The following RBFOX1 variants were observed in gnomAD, a reference collection of about 807,000 sequenced individuals.
RBFOX1 encodes the protein RNA binding fox-1 homolog 1.
Under a neutral mutation model 57.7 loss-of-function variants are expected in RBFOX1, and 8 were observed. That is an observed-to-expected ratio of 0.14 (90% CI 0.08 to 0.25). The LOEUF (loss-of-function observed/expected upper bound fraction) is 0.25, where lower values mean the gene tolerates loss of function less well. Ranked by LOEUF, RBFOX1 falls within the 10% of genes least tolerant of loss-of-function variation. The probability of loss-of-function intolerance (pLI) is 1.00; values close to 1 mark genes in which losing one functional copy is unlikely to be tolerated. For synonymous variants in RBFOX1, 326 were observed against 222.4 expected (o/e 1.47, Z -4.15); for missense variants, 611 against 548.5 (o/e 1.11, Z -1.14).
intron 3 of RBFOX1, among the ~76,000 whole-genome samples, chr16:6,716,796 A>G (rs1448762564): frequency 6.6e-6 from 1 of 152,134 alleles, no homozygotes; most frequent in Non-Finnish European, 1.5e-5. Flanking sequence ...TGAAAGTAAC[A>G]GGATATAAGT....
chr16:5,944,585 AATG>A (rs1416254251), intron 4 of RBFOX1, among the ~76,000 whole-genome samples: 1 of 151,668 alleles, frequency 6.6e-6, no homozygotes, highest in African/African-American at 2.4e-5. Context: ...AGTTTCGACA[AATG>A]TGAAGTCAGA....
intron 2 of RBFOX1, chr16:6,574,040 C>T (rs561957611): frequency 5.2e-5 from 8 of 152,458 alleles, no homozygotes; most frequent in African/African-American, 1.9e-4. Flanking sequence ...CAATTTTTCT[C>T]TCGCTCTGCC....
At chr16:5,840,127 C>G (rs541057740) in intron 3 of RBFOX1, among the ~76,000 whole-genome samples, 23 of 152,294 alleles carry the variant, frequency 1.5e-4, no homozygotes, top group Non-Finnish European at 2.8e-4. Flanking sequence ...CATCCAAAGT[C>G]AGCAGAGAGT....
chr16:7,479,337 C>T (rs1315133337), intron 4 of RBFOX1, among the ~76,000 whole-genome samples: 1 of 151,928 alleles, frequency 6.6e-6, no homozygotes, highest in South Asian at 2.1e-4. Flanking sequence ...CACTTTGTTG[C>T]CCAGGCTAGT....
intron 4 of RBFOX1, among the ~76,000 whole-genome samples, chr16:7,239,084 A>G (rs181350901): frequency 7.2e-5 from 11 of 152,290 alleles, no homozygotes; most frequent in African/African-American, 2.6e-4. Flanking sequence ...GCTATTGTGA[A>G]TAGTGCTGCA....
chr16:5,405,220 A>G (rs891482270), intron 1 of RBFOX1, among the ~76,000 whole-genome samples: 1 of 152,154 alleles, frequency 6.6e-6, no homozygotes, highest in African/African-American at 2.4e-5. Context: ...CCTTGGTGAC[A>G]TGGTTTGGCT....
At chr16:5,413,985 G>A (rs1342705277) in intron 1 of RBFOX1, among the ~76,000 whole-genome samples, 3 of 152,210 alleles carry the variant, frequency 2.0e-5, no homozygotes, top group Non-Finnish European at 4.4e-5. Flanking sequence ...TTACAGATGA[G>A]GACATTGAGG....
intron 3 of RBFOX1, among the ~76,000 whole-genome samples, chr16:5,721,048 A>C (rs571777129): frequency 6.6e-6 from 1 of 152,338 alleles, no homozygotes; most frequent in East Asian, 1.9e-4. Flanking sequence ...ATTGTCTTCT[A>C]ATCCATGAAT....
At chr16:6,085,174 G>T (rs545812979) in intron 1 of RBFOX1, among the ~76,000 whole-genome samples, 18 of 152,238 alleles carry the variant, frequency 1.2e-4, no homozygotes, top group Admixed American at 2.6e-4. Flanking sequence ...TGCAGATCCA[G>T]ACCTCTCCTC....
chr16:6,242,639 C>T (rs1219624515), intron 1 of RBFOX1, among the ~76,000 whole-genome samples: 4 of 113,674 alleles, frequency 3.5e-5, no homozygotes, highest in Non-Finnish European at 7.0e-5. Flanking sequence ...AACACACACA[C>T]ACACACACAC....
At chr16:7,254,584 C>T (rs1047511998) in intron 4 of RBFOX1, among the ~76,000 whole-genome samples, 17 of 152,010 alleles carry the variant, frequency 1.1e-4, no homozygotes, top group African/African-American at 3.6e-4. Context: ...TCCAAAGGAC[C>T]TCCCAGGTAT....
chr16:6,256,247 G>GTGTATATATATGTA lies in RBFOX1; in HGVS notation c.-126-60747_-126-60746insGTATATATATGTAT, dbSNP rs1555582517. Reference sequence around the variant, plus strand: ...TATATATATATGTGTATATATATATGTATATATATGTGTATATATATATGT... The same window carrying GTGTATATATATGTA: ...TATATATATATGTGTATATATATATGTGTATATATATGTATATATATATGTGTATATATATATGT... On this transcript the variant is annotated intron_variant, in intron 1 of 15. Transcript: ENST00000550418. 3.4e-4 allele frequency among the ~76,000 whole-genome samples: 27 copies of GTGTATATATATGTA among 78,348 alleles called. 2 individuals are homozygous for GTGTATATATATGTA. The East Asian group carries it at 3.7e-3, about 11-fold the overall frequency. 51.4% of individuals were successfully genotyped at this position (78,348 alleles called of 152,430 possible).
In RBFOX1 at chr16:6,527,297, A is replaced by T. The variant is rs188432511; in HGVS notation, c.-63-127306A>T. 1.9e-3 allele frequency among the ~76,000 whole-genome samples: 282 copies of T among 152,144 alleles called. 2 individuals carry two copies. Among genetic ancestry groups the T allele is most frequent in the African/African-American group, 6.4e-3 (266 of 41,506 alleles). ...TTGTCTGTATATTTTCAGAAATGTGATATCTTAGGTATATACTAAGAGGGG... is the reference window on the plus strand; with the variant it reads ...TTGTCTGTATATTTTCAGAAATGTGTTATCTTAGGTATATACTAAGAGGGG... On this transcript the variant is annotated intron_variant, in intron 2 of 15. Coordinates refer to ENST00000550418, the MANE Select transcript of RBFOX1 (RefSeq NM_018723.4).
intron 1 of RBFOX1, among the ~76,000 whole-genome samples, chr16:5,389,100 A>G (rs2066333942): frequency 1.3e-5 from 2 of 151,680 alleles, no homozygotes; most frequent in Non-Finnish European, 2.9e-5. Context: ...CTGAGGCAGG[A>G]GAATGGCGTG....
At chr16:5,268,702 C>A (rs2062925074) in intron 1 of RBFOX1, among the ~76,000 whole-genome samples, 1 of 152,258 alleles carries the variant, frequency 6.6e-6, no homozygotes, top group Non-Finnish European at 1.5e-5. Flanking sequence ...TTTGTTCTTG[C>A]CAAGTACCCA....
At chr16:6,606,993 A>G (rs1022427423) in intron 2 of RBFOX1, among the ~76,000 whole-genome samples, 6 of 152,138 alleles carry the variant, frequency 3.9e-5, no homozygotes, top group Admixed American at 2.0e-4. Flanking sequence ...AAGCATTCCT[A>G]TTTCTCCAGA....
At chr16:5,851,620 G>A (rs1235190920) in intron 3 of RBFOX1, among the ~76,000 whole-genome samples, 1 of 152,188 alleles carries the variant, frequency 6.6e-6, no homozygotes, top group Non-Finnish European at 1.5e-5. Context: ...GATTGCAATG[G>A]GGAGAGCAGA....
chr16:6,357,794 T>C (rs978053645), intron 2 of RBFOX1, among the ~76,000 whole-genome samples: 4 of 151,642 alleles, frequency 2.6e-5, no homozygotes, highest in African/African-American at 9.7e-5. Flanking sequence ...CTACTAAAAT[T>C]ACAAAAATTA....
chr16:5,453,303 A>G (rs917192466), intron 1 of RBFOX1, among the ~76,000 whole-genome samples: 1 of 152,204 alleles, frequency 6.6e-6, no homozygotes, highest in African/African-American at 2.4e-5. Flanking sequence ...CTAAGTGTGA[A>G]GGGTTCCAGG....
Sources: allele counts gnomAD v4.1 joint callset (sites outside exome capture counted in the v4.1 genomes callset), GRCh38; gene constraint gnomAD v4.1.1; transcripts MANE v1.5; gene names NCBI Gene and HGNC (gene_info 2026-07-23, HGNC 2026-07-21).